ARHGAP31: variants seen among roughly 807,000 people sequenced by gnomAD.
ARHGAP31 encodes the protein rho GTPase-activating protein 31.
Under a neutral mutation model 113.9 loss-of-function variants are expected in ARHGAP31, and 34 were observed. That is an observed-to-expected ratio of 0.30 (90% CI 0.23 to 0.40). ARHGAP31 has a LOEUF of 0.40. Among genes scored for constraint, ARHGAP31 ranks in the 10% least tolerant of loss-of-function variants. ARHGAP31 has a pLI of 1.00. For missense variants in ARHGAP31, 1,548 were observed against 1,767.1 expected, an observed-to-expected ratio of 0.88 and a Z score of 2.22; for synonymous variants, 650 against 684.8, an observed-to-expected ratio of 0.95 and a Z score of 0.79.
chr3:119,383,015 C>T lies in ARHGAP31; in HGVS notation c.540-69C>T. 3 of 1,584,278 alleles carry T rather than the reference C, an allele frequency of 1.9e-6. No individual in the cohort carries two copies. In the South Asian group the frequency reaches 3.3e-5, roughly 18 times the overall value. ...AGATGAGCCTTGTGCAAAAGGCCCA[C>T]TGGCTCCTCTTGCTGCTTCAGGTTG... On this transcript the variant is annotated intron_variant, in intron 5 of 11. Coordinates refer to ENST00000264245, the MANE Select transcript of ARHGAP31 (RefSeq NM_020754.4).
chr3:119,416,398 CT>C lies in ARHGAP31; in HGVS notation c.*138del. 8.0e-7 allele frequency: 1 copy of C among 1,245,284 alleles called. No individual in the cohort carries two copies. Among genetic ancestry groups the C allele is most frequent in the East Asian group, 2.5e-5 (1 of 40,474 alleles). The allele number at this position is 1,245,284 out of a possible 1,614,324, so 77.1% of individuals were successfully genotyped here. On this transcript the variant is annotated 3_prime_UTR_variant, in exon 12 of 12. Coordinates refer to ENST00000264245, the MANE Select transcript of ARHGAP31 (RefSeq NM_020754.4). The stretch of plus-strand genomic sequence containing the variant: ...GGCCTCTGACTTCTCTTTCTTCAGC[CT>C]TTTGACCACTTATTAATTAGTCCAT...
intron 3 of ARHGAP31, among the ~76,000 whole-genome samples, chr3:119,376,099 G>A (rs1311800446): frequency 6.8e-6 from 1 of 147,872 alleles, no homozygotes; most frequent in East Asian, 1.9e-4. Context: ...TTTATTTATT[G>A]TTGTGTTTCC....
chr3:119,393,339 A>AG (rs1298348415), intron 7 of ARHGAP31, 128 bp from the exon 8 acceptor site: 1 of 1,263,378 alleles, frequency 7.9e-7, no homozygotes, highest in Non-Finnish European at 1.1e-6. Context: ...TGGATTTTAG[A>AG]GGGGAATTTC....
In ARHGAP31 at chr3:119,417,102, G is replaced by A. The variant is rs2080785562; in HGVS notation, c.*838G>A. The A allele has an allele frequency of 6.6e-6, 1 of 152,290 alleles. No homozygotes were observed. Among genetic ancestry groups the A allele is most frequent in the Non-Finnish European group, 1.5e-5 (1 of 68,112 alleles). 9.4% of individuals were successfully genotyped at this position (152,290 alleles called of 1,614,324 possible). A position where few individuals can be genotyped will look rare whatever the true frequency, so the allele number is the denominator to read the frequency against. ...TGAAATGTACTAAATCTTCATTTAG[G>A]TATGCAATTGTGAAGTGAAGGCATC... On this transcript the variant is annotated 3_prime_UTR_variant, in exon 12 of 12. Coordinates refer to ENST00000264245, the MANE Select transcript of ARHGAP31 (RefSeq NM_020754.4).
At chr3:119,319,360 G>A (rs77477473) in intron 1 of ARHGAP31, among the ~76,000 whole-genome samples, 3,493 of 152,080 alleles carry the variant, frequency 0.023, 55 homozygotes, top group Non-Finnish European at 0.034. Context: ...ACAAAGCAAA[G>A]ATCATTGCTT....
intron 11 of ARHGAP31, among the ~76,000 whole-genome samples, chr3:119,412,299 A>C (rs2080722883): frequency 6.6e-6 from 1 of 152,038 alleles, no homozygotes; most frequent in African/African-American, 2.4e-5. Context: ...GAGGCAGGAG[A>C]ATCGCTTGAA....
intron 1 of ARHGAP31, among the ~76,000 whole-genome samples, chr3:119,342,398 A>G (rs909516522): frequency 2.0e-5 from 3 of 152,254 alleles, no homozygotes; most frequent in African/African-American, 7.2e-5. Flanking sequence ...ACTCAGGGCT[A>G]TGCAGAGACC....
chr3:119,384,579 T>G (rs1426004653), intron 6 of ARHGAP31, among the ~76,000 whole-genome samples: 10 of 152,164 alleles, frequency 6.6e-5, no homozygotes. Flanking sequence ...GTCAAGAGAG[T>G]GTGAGAATGA....
chr3:119,411,825 C>T (rs757756610), intron 11 of ARHGAP31, among the ~76,000 whole-genome samples: 1 of 152,030 alleles, frequency 6.6e-6, no homozygotes, highest in Non-Finnish European at 1.5e-5. Flanking sequence ...TTTATTGAGC[C>T]CCCATTCACA....
In ARHGAP31 at chr3:119,368,444, C is replaced by T; in HGVS notation, c.276C>T (p.Gly92=). ...ACCTCCAGGACATCCACTGTGTGGG[C>T]TCGCTTTGCAAGCTCTACTTTAGGG... ...EVYLQDIHCV[G]SLCKLYFREL... is the part of the protein sequence containing the mutation. The change falls in exon 3 of 12, where the codon GGC becomes GGT. Residue 92 remains glycine, a synonymous_variant. Coordinates refer to ENST00000264245, the MANE Select transcript of ARHGAP31 (RefSeq NM_020754.4). The T allele has an allele frequency of 6.2e-7, 1 of 1,614,116 alleles. No homozygotes were observed. Among genetic ancestry groups the T allele is most frequent in the Non-Finnish European group, 8.5e-7 (1 of 1,180,000 alleles).
chr3:119,375,989 C>T (rs1559984222), intron 3 of ARHGAP31, among the ~76,000 whole-genome samples: 1 of 152,210 alleles, frequency 6.6e-6, no homozygotes, highest in Non-Finnish European at 1.5e-5. Flanking sequence ...GTAGCTAGAG[C>T]TACAGGCGTA....
At chr3:119,358,081 A>G (rs2080173717) in intron 1 of ARHGAP31, among the ~76,000 whole-genome samples, 1 of 152,222 alleles carries the variant, frequency 6.6e-6, no homozygotes, top group African/African-American at 2.4e-5. Context: ...AAGTGAAAAG[A>G]CCACCCACAG....
intron 1 of ARHGAP31, among the ~76,000 whole-genome samples, chr3:119,319,288 A>C (rs2079761967): frequency 6.6e-6 from 1 of 151,726 alleles, no homozygotes. Flanking sequence ...TGGGTCAGAA[A>C]ATTTTTCTAT....
chr3:119,356,476 C>T (rs548889238), intron 1 of ARHGAP31, among the ~76,000 whole-genome samples: 1 of 151,884 alleles, frequency 6.6e-6, no homozygotes, highest in South Asian at 2.1e-4. Flanking sequence ...ACTAAAAATA[C>T]AAAAATTAGC....
At chr3:119,331,953 A>G (rs1386140097) in intron 1 of ARHGAP31, among the ~76,000 whole-genome samples, 2 of 152,114 alleles carry the variant, frequency 1.3e-5, no homozygotes, top group Non-Finnish European at 2.9e-5. Context: ...CGGGACTGAG[A>G]GTCCTTTCTA....
intron 2 of ARHGAP31, among the ~76,000 whole-genome samples, chr3:119,366,428 T>C (rs1424280696): frequency 2.0e-5 from 3 of 151,306 alleles, no homozygotes; most frequent in Admixed American, 6.6e-5. Flanking sequence ...TAGAGCATCT[T>C]TTTTTTTTCC....
At chr3:119,347,867 T>C (rs1196435977) in intron 1 of ARHGAP31, among the ~76,000 whole-genome samples, 1 of 152,164 alleles carries the variant, frequency 6.6e-6, no homozygotes, top group East Asian at 1.9e-4. Flanking sequence ...AGAGAAAAAG[T>C]TAGAAATTAA....
intron 1 of ARHGAP31, among the ~76,000 whole-genome samples, chr3:119,304,742 A>G (rs2079615804): frequency 6.6e-6 from 1 of 152,072 alleles, no homozygotes; most frequent in African/African-American, 2.4e-5. Flanking sequence ...GAATTCTGTT[A>G]AAATTAGCTG....
At chr3:119,352,610 C>CCACA (rs56175761) in intron 1 of ARHGAP31, among the ~76,000 whole-genome samples, 7 of 150,898 alleles carry the variant, frequency 4.6e-5, no homozygotes, top group African/African-American at 9.7e-5. Context: ...CTCCCTCTTC[C>CCACA]CACACACACA....
Sources: gnomAD v4.1 joint callset for allele counts (sites outside exome capture counted in the v4.1 genomes callset) on GRCh38, gnomAD v4.1.1 for gene constraint, MANE v1.5 for transcripts, NCBI Gene and HGNC (gene_info 2026-07-23, HGNC 2026-07-21) for gene names.